The following SGPL1 variants were observed in gnomAD, a reference collection of about 807,000 sequenced individuals.
SGPL1 encodes the protein SP-lyase 1.
SGPL1 carries 37 observed loss-of-function variants against 68.9 expected under a neutral mutation model. The observed-to-expected ratio is 0.54, with a 90% confidence interval of 0.41 to 0.71. The LOEUF is 0.71. SGPL1 is among the 30% of genes least tolerant of loss of function. The probability of loss-of-function intolerance (pLI) is 0.00; values close to 1 mark genes in which losing one functional copy is unlikely to be tolerated. For synonymous variants in SGPL1, 236 were observed against 248.5 expected (o/e 0.95, Z 0.47); for missense variants, 551 against 704.6 (o/e 0.78, Z 2.47).
chr10:70,855,201 A>G (rs1170364227), intron 5 of SGPL1, among the ~76,000 whole-genome samples: 1 of 152,268 alleles, frequency 6.6e-6, no homozygotes, highest in Middle Eastern at 3.2e-3. Flanking sequence ...TAAAGGCACA[A>G]AAGAAAATAA....
rs78046528 is a variant in SGPL1, at chr10:70,825,129, A to G, written c.27+8249A>G. On this transcript the variant is annotated intron_variant, in intron 2 of 14. Coordinates refer to ENST00000373202, the MANE Select transcript of SGPL1 (RefSeq NM_003901.4). The stretch of plus-strand genomic sequence containing the variant: ...ACACTCTTAAGCCTGTGAGAGGGCA[A>G]GGAAGGGAGTAGTTTCTGGAACTTT... Among the ~76,000 whole-genome samples the G allele has an allele frequency of 2.2e-3, 338 of 152,128 alleles. 8 individuals carry two copies. In the East Asian group the frequency reaches 0.057, roughly 25 times the overall value.
rs376027842 is a variant in SGPL1 at position 70,864,443 on chromosome 10, T to C, written c.616-3902T>C. On this transcript the variant is annotated intron_variant, in intron 7 of 14. Coordinates refer to ENST00000373202, the MANE Select transcript of SGPL1 (RefSeq NM_003901.4). ...TTTTCCTTGAAGTCAGCATTTTTAT[T>C]CTTGGCAATGTTTATTTTATTCCTT... Among the ~76,000 whole-genome samples the C allele has an allele frequency of 2.6e-5, 4 of 152,346 alleles. No homozygotes were observed. The East Asian group carries it at 5.8e-4, about 22-fold the overall frequency.
intron 2 of SGPL1, among the ~76,000 whole-genome samples, chr10:70,828,182 C>T (rs925944501): frequency 1.8e-4 from 28 of 151,800 alleles, no homozygotes; most frequent in African/African-American, 6.8e-4. Flanking sequence ...TACTAATTTA[C>T]GCTACCAGAG....
rs535808092 is a variant in SGPL1, at chr10:70,818,095, G to GT, written c.27+1223dup. Among the ~76,000 whole-genome samples the GT allele has an allele frequency of 2.4e-4, 37 of 151,914 alleles. No individual in the cohort carries two copies. In the East Asian group the frequency reaches 6.6e-3, roughly 27 times the overall value. ...GGTATAGAAAAAGTGTCCGGGTTTA[G>GT]TTTTTTTTGTTTCGTTTTGTTTTGT... On this transcript the variant is annotated intron_variant, in intron 2 of 14. Transcript: ENST00000373202.
At chr10:70,869,130 T>C (rs1246828916) in intron 8 of SGPL1, 2 of 152,380 alleles carry the variant, frequency 1.3e-5, no homozygotes, top group Admixed American at 6.5e-5. Context: ...TGTCGATCTT[T>C]GGTGCTTGGT....
At chr10:70,859,594 AT>A (rs1371791088) in intron 7 of SGPL1, 95 bp downstream of exon 7, 1 of 574,320 alleles carries the variant, frequency 1.7e-6, no homozygotes, top group Admixed American at 5.7e-5. Flanking sequence ...AAAATAAAAA[AT>A]ATTAAAAATA....
At chr10:70,857,800 G>A in intron 6 of SGPL1, 110 bp downstream of exon 6, 1 of 614,804 alleles carries the variant, frequency 1.6e-6, no homozygotes, top group Non-Finnish European at 2.7e-6. Flanking sequence ...AAAGCTTATT[G>A]GTACAATAAA....
chr10:70,856,922 CAGGAA>C (rs1298212977), intron 5 of SGPL1, among the ~76,000 whole-genome samples: 7 of 152,228 alleles, frequency 4.6e-5, no homozygotes, highest in Non-Finnish European at 8.8e-5. Flanking sequence ...ATATTCTACT[CAGGAA>C]CTTTACTTTT....
At chr10:70,871,480 G>T (rs852121) in intron 10 of SGPL1, among the ~76,000 whole-genome samples, 1 of 152,020 alleles carries the variant, frequency 6.6e-6, no homozygotes, top group Non-Finnish European at 1.5e-5. Flanking sequence ...GCCCCTCAGC[G>T]CCTCCCTTTC....
intron 5 of SGPL1, 33 bp from the exon 6 acceptor site, chr10:70,857,581 C>T (rs1178983479): frequency 6.4e-7 from 1 of 1,558,796 alleles, no homozygotes; most frequent in Admixed American, 1.7e-5. Flanking sequence ...GAGATTCTTG[C>T]TTACTGACCA....
chr10:70,847,345 C>A (rs1242560941), intron 3 of SGPL1, among the ~76,000 whole-genome samples: 1 of 151,972 alleles, frequency 6.6e-6, no homozygotes, highest in Non-Finnish European at 1.5e-5. Flanking sequence ...GATGGGGTTT[C>A]GCCATGTTGG....
intron 2 of SGPL1, among the ~76,000 whole-genome samples, chr10:70,833,108 A>G (rs965378457): frequency 2.0e-5 from 3 of 152,176 alleles, no homozygotes; most frequent in Non-Finnish European, 4.4e-5. Flanking sequence ...TGCACTTCTG[A>G]TGACTTGGGA....
At chr10:70,840,228 C>T (rs1220513633) in intron 2 of SGPL1, among the ~76,000 whole-genome samples, 3 of 152,058 alleles carry the variant, frequency 2.0e-5, no homozygotes, top group Non-Finnish European at 4.4e-5. Flanking sequence ...GCATGCGTTC[C>T]TAGACTTCAC....
intron 2 of SGPL1, among the ~76,000 whole-genome samples, chr10:70,817,798 A>G (rs1157012917): frequency 2.0e-5 from 3 of 152,218 alleles, no homozygotes; most frequent in African/African-American, 4.8e-5. Flanking sequence ...ATAAACACCT[A>G]GCATGGTGCT....
At chr10:70,873,223 G>A (rs1589476626) in intron 11 of SGPL1, 128 bp from the exon 12 acceptor site, 2 of 748,776 alleles carry the variant, frequency 2.7e-6, no homozygotes, top group East Asian at 2.5e-5. Context: ...AATCCTTAAT[G>A]TGAGTGGGAA....
chr10:70,818,828 T>C (rs1414274013), intron 2 of SGPL1, among the ~76,000 whole-genome samples: 1 of 152,208 alleles, frequency 6.6e-6, no homozygotes, highest in Non-Finnish European at 1.5e-5. Flanking sequence ...AAAATTCTTA[T>C]TCAAAGACCA....
chr10:70,868,216 G>C, intron 7 of SGPL1, 129 bp from the exon 8 acceptor site: 1 of 663,648 alleles, frequency 1.5e-6, no homozygotes, highest in Non-Finnish European at 2.5e-6. Flanking sequence ...GGAAGACATG[G>C]CAGTGTCTGC....
At chr10:70,837,600 C>CT (rs755453845) in intron 2 of SGPL1, among the ~76,000 whole-genome samples, 4 of 152,130 alleles carry the variant, frequency 2.6e-5, no homozygotes, top group Non-Finnish European at 4.4e-5. Flanking sequence ...TGTTGAATGA[C>CT]TGAAACTCTT....
chr10:70,872,133 G>A, intron 11 of SGPL1, 147 bp downstream of exon 11: 2 of 809,008 alleles, frequency 2.5e-6, no homozygotes, highest in South Asian at 4.0e-5. Flanking sequence ...GCCGTCACCA[G>A]ATCAGCTGGT....
Sources: allele counts gnomAD v4.1 joint callset (sites outside exome capture counted in the v4.1 genomes callset), GRCh38; gene constraint gnomAD v4.1.1; transcripts MANE v1.5; gene names NCBI Gene and HGNC (gene_info 2026-07-23, HGNC 2026-07-21).